The following GPSM2 variants were observed in gnomAD, a reference collection of about 807,000 sequenced individuals.
GPSM2 encodes G protein-signaling modulator 2.
A neutral mutation model predicts 78.4 loss-of-function variants in GPSM2; 58 were observed. That is an observed-to-expected ratio of 0.74 (90% CI 0.60 to 0.92). The LOEUF is 0.92. Ranked by LOEUF, GPSM2 falls within the 40% of genes least tolerant of loss-of-function variation. GPSM2 has a pLI of 0.00. For missense variants in GPSM2, 700 were observed against 815.5 expected (o/e 0.86, Z 1.73); for synonymous variants, 224 against 280.2 (o/e 0.80, Z 2.00).
chr1:108,924,916 A>G (rs1448029411), intron 14 of GPSM2, among the ~76,000 whole-genome samples: 3 of 152,198 alleles, frequency 2.0e-5, no homozygotes, highest in Non-Finnish European at 2.9e-5. Flanking sequence ...GGAAGAACGT[A>G]GAGTGGCAAG....
chr1:108,881,184 C>CT (rs963671925), intron 1 of GPSM2, among the ~76,000 whole-genome samples: 5 of 152,246 alleles, frequency 3.3e-5, no homozygotes, highest in Admixed American at 6.5e-5. Context: ...AAATGATTGC[C>CT]TTTTCTTTAT....
intron 10 of GPSM2, chr1:108,909,990 AC>A (rs1649595016): frequency 6.6e-6 from 1 of 151,902 alleles, no homozygotes; most frequent in East Asian, 1.9e-4. Context: ...ACAAAAAAAA[AC>A]ACTGAAAGAA....
chr1:108,883,796 T>C (rs1647292697), intron 1 of GPSM2, among the ~76,000 whole-genome samples: 1 of 152,194 alleles, frequency 6.6e-6, no homozygotes, highest in Admixed American at 6.5e-5. Flanking sequence ...ATTAGATATA[T>C]TATAGAGCTG....
At chr1:108,895,153 C>T (rs1159252192) in intron 2 of GPSM2, among the ~76,000 whole-genome samples, 1 of 152,216 alleles carries the variant, frequency 6.6e-6, no homozygotes, top group African/African-American at 2.4e-5. Flanking sequence ...GGCCAGACAT[C>T]ACCCAGAGGG....
rs59628969 is a variant in GPSM2 at position 108,933,209 on chromosome 1, C to T, written c.*3269C>T. The T allele has an allele frequency of 0.022, 71 of 3,220 alleles. No homozygotes were observed. The highest frequency in any genetic ancestry group is 0.17 in the Middle Eastern group (1 of 6). 0.2% of individuals were successfully genotyped at this position (3,220 alleles called of 1,614,324 possible). ...CTTCCTGGATCCAAAAATGTGTATT[C>T]TGCATTTCAACAACTGAACTTAAGC... On this transcript the variant is annotated 3_prime_UTR_variant, in exon 15 of 15. Transcript: ENST00000264126.
In GPSM2 at chr1:108,891,724, CGAACTCCTGG is replaced by C. The variant is rs1205664118; in HGVS notation, c.57-5138_57-5129del. Among the ~76,000 whole-genome samples, 11 of 145,148 alleles carry C rather than the reference CGAACTCCTGG, an allele frequency of 7.6e-5. No homozygotes were observed. In the East Asian group the frequency reaches 1.8e-3, roughly 24 times the overall value. Reference sequence around the variant, plus strand: ...TTTGCCATGTTGCCCAGGCTGGTCTCGAACTCCTGGGCTCAAGCGATCCACCCCCCCTTAG... The same window carrying C: ...TTTGCCATGTTGCCCAGGCTGGTCTCGCTCAAGCGATCCACCCCCCCTTAG... On this transcript the variant is annotated intron_variant, in intron 2 of 14. Coordinates refer to ENST00000264126, the MANE Select transcript of GPSM2 (RefSeq NM_013296.5).
At chr1:108,897,925 T>G (rs767702160) in intron 4 of GPSM2, 34 bp from the exon 5 acceptor site, 1 of 1,610,066 alleles carries the variant, frequency 6.2e-7, no homozygotes. Context: ...ACCTCTGTTT[T>G]CAAAATGTAA....
chr1:108,908,648 C>T lies in GPSM2; in HGVS notation c.1192+4394C>T, dbSNP rs188558397. ...CGAGATCGCGCCACTGCACTCCAGC[C>T]GACAGAGAGAGACTCCGTCTCAAAA... is the stretch of plus-strand genomic sequence containing the variant. On this transcript the variant is annotated intron_variant, in intron 10 of 14. Coordinates refer to ENST00000264126, the MANE Select transcript of GPSM2 (RefSeq NM_013296.5). Among the ~76,000 whole-genome samples, 127 of 152,044 alleles carry T rather than the reference C, an allele frequency of 8.4e-4. 1 individual carries two copies. The highest frequency in any genetic ancestry group is 3.0e-3 in the African/African-American group (126 of 41,424).
At chr1:108,924,463 A>T (rs967029478) in intron 14 of GPSM2, 1 of 537,282 alleles carries the variant, frequency 1.9e-6, no homozygotes, top group Non-Finnish European at 3.4e-6. Flanking sequence ...ATATAGAGAG[A>T]GAGTATATGT....
At position 108,924,045 on chromosome 1, in the gene GPSM2, A is replaced by G; in HGVS notation, c.1646A>G (p.Asp549Gly). 1 of 1,613,286 alleles carries G rather than the reference A, an allele frequency of 6.2e-7. No homozygotes were observed. Among genetic ancestry groups the G allele is most frequent in the Non-Finnish European group, 8.5e-7 (1 of 1,179,518 alleles). The change falls in exon 14 of 15, where the codon GAT becomes GGT. Residue 549 changes from aspartate (D) to glycine (G), a missense_variant. Physicochemically the swap from Asp to Gly is moderately conservative, Grantham distance 94. Coordinates refer to ENST00000264126, the MANE Select transcript of GPSM2 (RefSeq NM_013296.5). The part of the protein sequence containing the change: ...VVSPNTDEFL[D>G]LLASSQSRRL... Reference sequence around the variant, plus strand: ...TCCCCCAACACGGATGAGTTTTTAGATCTTCTTGCCAGCTCACAGAGTCGC... The same window carrying G: ...TCCCCCAACACGGATGAGTTTTTAGGTCTTCTTGCCAGCTCACAGAGTCGC...
Position 108,914,419 on chromosome 1 carries a change from G to A in GPSM2, c.1263+11G>A, listed in dbSNP as rs201878481. 6.2e-4 allele frequency: 966 copies of A among 1,566,312 alleles called. 1 individual carries two copies. Among genetic ancestry groups the A allele is most frequent in the Middle Eastern group, 3.7e-3 (22 of 5,902 alleles). On this transcript the variant is annotated intron_variant, in intron 11 of 14. Coordinates refer to ENST00000264126, the MANE Select transcript of GPSM2 (RefSeq NM_013296.5). ...TTAACACCAGAAAAGGTGGGTGGCA[G>A]GTTTTATGTTTTAAATTTCATGAAC...
In GPSM2 at chr1:108,918,094, T is replaced by C. The variant is rs578020144; in HGVS notation, c.1264-519T>C. 3.9e-5 allele frequency among the ~76,000 whole-genome samples: 6 copies of C among 152,298 alleles called. No individual in the cohort carries two copies. The South Asian group carries it at 1.2e-3, about 32-fold the overall frequency. On this transcript the variant is annotated intron_variant, in intron 11 of 14. Transcript: ENST00000264126. Reference sequence around the variant, plus strand: ...ACTCAATAAATGTTATTTTGTTATTTGTAGGCTGTCATGTATTTAAACCAG... The same window carrying C: ...ACTCAATAAATGTTATTTTGTTATTCGTAGGCTGTCATGTATTTAAACCAG...
In GPSM2 at chr1:108,931,772, A is replaced by AC; in HGVS notation, c.*1834dup. 4.2e-6 allele frequency: 1 copy of AC among 237,872 alleles called. No individual in the cohort carries two copies. Among genetic ancestry groups the AC allele is most frequent in the East Asian group, 8.8e-5 (1 of 11,352 alleles). The allele number at this position is 237,872 out of a possible 1,614,324, so 14.7% of individuals were successfully genotyped here. A position where few individuals can be genotyped will look rare whatever the true frequency, so the allele number is the denominator to read the frequency against. ...TAAGAAAATTCAGTTAAGACAATAT[A>AC]CCAAACCACAACGTAAAAAGTTTGT... On this transcript the variant is annotated 3_prime_UTR_variant, in exon 15 of 15. Transcript: ENST00000264126.
chr1:108,909,335 G>A (rs1649519059), intron 10 of GPSM2, among the ~76,000 whole-genome samples: 1 of 152,108 alleles, frequency 6.6e-6, no homozygotes, highest in Non-Finnish European at 1.5e-5. Context: ...AACATTTACA[G>A]AAAACTGACA....
chr1:108,911,852 C>T (rs886945333), intron 10 of GPSM2, among the ~76,000 whole-genome samples: 13 of 134,920 alleles, frequency 9.6e-5, no homozygotes, highest in South Asian at 7.0e-4. Context: ...TGTCACCAGG[C>T]GGAACTGCAG....
chr1:108,878,521 A>T (rs576581767), intron 1 of GPSM2, among the ~76,000 whole-genome samples: 2 of 152,196 alleles, frequency 1.3e-5, no homozygotes, highest in Non-Finnish European at 2.9e-5. Flanking sequence ...TATAGATCTG[A>T]GACTTGCTTA....
At chr1:108,911,470 T>C (rs1183618670) in intron 10 of GPSM2, among the ~76,000 whole-genome samples, 1 of 152,026 alleles carries the variant, frequency 6.6e-6, no homozygotes, top group African/African-American at 2.4e-5. Flanking sequence ...GAGGTTGCAG[T>C]GAGCCGAGAT....
At position 108,923,571 on chromosome 1, in the gene GPSM2, C is replaced by T. The variant is rs376762757; in HGVS notation, c.1601-429C>T. 5.9e-5 allele frequency among the ~76,000 whole-genome samples: 9 copies of T among 152,338 alleles called. No individual in the cohort carries two copies. In the South Asian group the frequency reaches 1.7e-3, roughly 28 times the overall value. ...AGACTTCTTGTACCATAGACCAAGA[C>T]TTGCCAGCAGCACTTAACTGTTAGT... On this transcript the variant is annotated intron_variant, in intron 13 of 14. Coordinates refer to ENST00000264126, the MANE Select transcript of GPSM2 (RefSeq NM_013296.5).
chr1:108,924,664 G>GAA lies in GPSM2; in HGVS notation c.1815+452_1815+453dup, dbSNP rs569940289. On this transcript the variant is annotated intron_variant, in intron 14 of 14. Transcript: ENST00000264126. ...GCAGTCAGCCATGTGAGTATCTAGA[G>GAA]AAAGAGTATTCCATGCAGAGACAGC... 5.4e-4 allele frequency among the ~76,000 whole-genome samples: 82 copies of GAA among 152,294 alleles called. No individual in the cohort carries two copies. The East Asian group carries it at 0.012, about 22-fold the overall frequency.
Sources: gnomAD v4.1 joint callset for allele counts (sites outside exome capture counted in the v4.1 genomes callset) on GRCh38, gnomAD v4.1.1 for gene constraint, MANE v1.5 for transcripts, NCBI Gene and HGNC (gene_info 2026-07-23, HGNC 2026-07-21) for gene names.